Variants in PDE4D observed in about 807,000 individuals in gnomAD.
PDE4D encodes the protein phosphodiesterase 4D, also known as 3',5'-cyclic-AMP phosphodiesterase 4D.
In PDE4D, 24 loss-of-function variants were observed where a neutral mutation model predicts 87.4. That is an observed-to-expected ratio of 0.27 (90% CI 0.20 to 0.39). The LOEUF is 0.39. PDE4D is among the 10% of genes least tolerant of loss of function. The probability of loss-of-function intolerance (pLI) is 1.00; values close to 1 mark genes in which losing one functional copy is unlikely to be tolerated. For missense variants in PDE4D, 714 were observed against 1,041.0 expected, an observed-to-expected ratio of 0.69 and a Z score of 4.32; for synonymous variants, 384 against 383.2, an observed-to-expected ratio of 1.00 and a Z score of -0.02.
intron 2 of PDE4D, among the ~76,000 whole-genome samples, chr5:60,148,499 A>G (rs1330052393): frequency 6.6e-6 from 1 of 152,164 alleles, no homozygotes; most frequent in Non-Finnish European, 1.5e-5. Context: ...TTAAGCATCC[A>G]CTGGGTTTTG....
chr5:59,515,080 A>G (rs1810928489), intron 1 of PDE4D, among the ~76,000 whole-genome samples: 1 of 152,360 alleles, frequency 6.6e-6, no homozygotes, highest in Non-Finnish European at 1.5e-5. Flanking sequence ...TTAAGAGATT[A>G]AAGGGGAAAA....
intron 1 of PDE4D, among the ~76,000 whole-genome samples, chr5:59,771,466 A>AAAGAGAGAGAGAG (rs1561637054): frequency 2.6e-5 from 2 of 76,536 alleles, no homozygotes; most frequent in African/African-American, 1.2e-4. Flanking sequence ...AGAAAGAAAG[A>AAAGAGAGAGAGAG]AAGAAAGAAA....
intron 2 of PDE4D, among the ~76,000 whole-genome samples, chr5:60,137,704 T>G (rs1041712103): frequency 6.6e-6 from 1 of 152,202 alleles, no homozygotes; most frequent in Non-Finnish European, 1.5e-5. Context: ...GTCAGCTGGA[T>G]AGATTGCAAC....
Position 59,477,353 on chromosome 5 carries a change from TAAAAAAAA to T in PDE4D, c.456-261393_456-261386del, listed in dbSNP as rs35047246. On this transcript the variant is annotated intron_variant, in intron 1 of 14. Transcript: ENST00000340635. Reference sequence around the variant, plus strand: ...ATGTACCCTAAAACTTAGAGTATAATAAAAAAAAAAAAAAAAAAAAATTAAAGAATCTC... The same window carrying T: ...ATGTACCCTAAAACTTAGAGTATAATAAAAAAAAAAAAATTAAAGAATCTC... Among the ~76,000 whole-genome samples the T allele has an allele frequency of 4.5e-5, 4 of 88,312 alleles. 1 individual carries two copies. Among genetic ancestry groups the T allele is most frequent in the African/African-American group, 1.8e-4 (4 of 22,580 alleles). 57.9% of individuals were successfully genotyped at this position (88,312 alleles called of 152,430 possible).
chr5:60,474,106 A>ATATATATATATGTGTATATG, intron 1 of PDE4D, among the ~76,000 whole-genome samples: 1 of 12,666 alleles, frequency 7.9e-5, no homozygotes, highest in East Asian at 1.4e-3. Context: ...TTGAGCTGCC[A>ATATATATATATGTGTATATG]TATATATATA....
chr5:60,016,070 T>C (rs896302210), intron 2 of PDE4D, among the ~76,000 whole-genome samples: 2 of 151,702 alleles, frequency 1.3e-5, no homozygotes, highest in Non-Finnish European at 2.9e-5. Flanking sequence ...TGTGTATACA[T>C]ACATATATAT....
At chr5:59,893,111 T>C (rs1208572002) in intron 1 of PDE4D, 57 bp downstream of exon 1, 33 of 1,480,686 alleles carry the variant, frequency 2.2e-5, no homozygotes, top group Non-Finnish European at 2.9e-5. Flanking sequence ...ATGGAGTATT[T>C]GAGAAAAGGG....
chr5:59,820,941 G>T (rs1769572763), intron 1 of PDE4D, among the ~76,000 whole-genome samples: 1 of 152,068 alleles, frequency 6.6e-6, no homozygotes, highest in African/African-American at 2.4e-5. Context: ...TATAATAAAT[G>T]AAAATTAGGG....
At chr5:60,321,519 T>G (rs1291784566) in intron 1 of PDE4D, among the ~76,000 whole-genome samples, 1 of 152,150 alleles carries the variant, frequency 6.6e-6, no homozygotes, top group Non-Finnish European at 1.5e-5. Flanking sequence ...CAAAAGCAAT[T>G]GCAACAAAAA....
At chr5:59,471,791 T>G (rs1802486642) in intron 1 of PDE4D, among the ~76,000 whole-genome samples, 2 of 152,230 alleles carry the variant, frequency 1.3e-5, no homozygotes, top group African/African-American at 4.8e-5. Context: ...AGTGTTGTCT[T>G]TTTGTTTTCT....
intron 1 of PDE4D, among the ~76,000 whole-genome samples, chr5:59,395,957 C>A (rs199747364): frequency 1.7e-5 from 2 of 119,236 alleles, no homozygotes; most frequent in East Asian, 2.7e-4. Flanking sequence ...GGAGCTGATG[C>A]GATCAACTGG....
At chr5:59,983,229 C>A (rs1045939086) in intron 3 of PDE4D, among the ~76,000 whole-genome samples, 4 of 152,048 alleles carry the variant, frequency 2.6e-5, no homozygotes, top group Admixed American at 1.3e-4. Context: ...TTATTTGCCA[C>A]CATCCAATAT....
intron 5 of PDE4D, among the ~76,000 whole-genome samples, chr5:59,155,043 T>A (rs1779963480): frequency 1.3e-5 from 2 of 151,980 alleles, no homozygotes; most frequent in African/African-American, 4.8e-5. Context: ...ATTTGAAGAG[T>A]TGGATATCAA....
At chr5:60,300,174 T>C (rs1753768936) in intron 1 of PDE4D, among the ~76,000 whole-genome samples, 1 of 152,244 alleles carries the variant, frequency 6.6e-6, no homozygotes, top group Admixed American at 6.5e-5. Context: ...TTTCAGATGC[T>C]TGTTGGCTGC....
intron 1 of PDE4D, among the ~76,000 whole-genome samples, chr5:59,874,117 C>A (rs1748208744): frequency 6.6e-6 from 1 of 152,008 alleles, no homozygotes; most frequent in Non-Finnish European, 1.5e-5. Context: ...GCAGTAGGAT[C>A]CTTTGAGCCC....
chr5:60,080,375 T>G (rs1196138144), intron 2 of PDE4D, among the ~76,000 whole-genome samples: 2 of 152,192 alleles, frequency 1.3e-5, no homozygotes, highest in African/African-American at 4.8e-5. Flanking sequence ...CCTTTCTTTC[T>G]TTCTCTTGCC....
chr5:59,727,357 A>G (rs1756750607), intron 1 of PDE4D, among the ~76,000 whole-genome samples: 1 of 152,190 alleles, frequency 6.6e-6, no homozygotes, highest in South Asian at 2.1e-4. Context: ...AATCAGAAAT[A>G]GATTTTCCCA....
At chr5:59,700,836 G>A (rs929389117) in intron 1 of PDE4D, among the ~76,000 whole-genome samples, 6 of 152,058 alleles carry the variant, frequency 3.9e-5, no homozygotes, top group Admixed American at 1.3e-4. Flanking sequence ...TCTCAATCCC[G>A]TAGAATCACA....
chr5:59,574,219 T>C (rs1822734883), intron 1 of PDE4D, among the ~76,000 whole-genome samples: 1 of 141,254 alleles, frequency 7.1e-6, no homozygotes, highest in Non-Finnish European at 1.5e-5. Flanking sequence ...AAGAGGATTC[T>C]GGTGCCGTTT....
Sources: gnomAD v4.1 joint callset for allele counts (sites outside exome capture counted in the v4.1 genomes callset) on GRCh38, gnomAD v4.1.1 for gene constraint, MANE v1.5 for transcripts, NCBI Gene and HGNC (gene_info 2026-07-23, HGNC 2026-07-21) for gene names.